The following MEI1 variants were observed in gnomAD, a reference collection of about 807,000 sequenced individuals.
MEI1 encodes the protein meiotic double-stranded break formation protein 1.
MEI1 carries 103 observed loss-of-function variants against 146.2 expected under a neutral mutation model. That is an observed-to-expected ratio of 0.70 (90% CI 0.60 to 0.83). The LOEUF is 0.83. MEI1 is among the 40% of genes least tolerant of loss of function. MEI1 has a pLI of 0.00. For missense variants in MEI1, 1,529 were observed against 1,533.0 expected (o/e 1.00, Z 0.04); for synonymous variants, 652 against 628.2 (o/e 1.04, Z -0.57).
At chr22:41,789,809 C>T (rs2076111556) in intron 26 of MEI1, among the ~76,000 whole-genome samples, 1 of 152,220 alleles carries the variant, frequency 6.6e-6, no homozygotes, top group African/African-American at 2.4e-5. Flanking sequence ...AAGCTCATGA[C>T]TCCCCCTGTA....
At chr22:41,713,923 G>A in intron 3 of MEI1, 79 bp from the exon 4 acceptor site, 1 of 1,184,698 alleles carries the variant, frequency 8.4e-7, no homozygotes, top group Non-Finnish European at 1.2e-6. Flanking sequence ...ATCCTGCACT[G>A]ATTGAGTAGA....
chr22:41,776,444 G>A (rs1051605895), intron 21 of MEI1, among the ~76,000 whole-genome samples, 177 bp downstream of exon 21: 15 of 152,252 alleles, frequency 9.9e-5, no homozygotes, highest in African/African-American at 3.4e-4. Context: ...CAGAGTGGGC[G>A]TACAACATGC....
intron 1 of MEI1, among the ~76,000 whole-genome samples, chr22:41,701,253 T>A (rs928519595): frequency 5.9e-5 from 9 of 152,098 alleles, no homozygotes; most frequent in African/African-American, 2.2e-4. Context: ...AGCTGGATTT[T>A]TATCTATTTC....
chr22:41,748,188 C>T lies in MEI1; in HGVS notation c.1762C>T (p.His588Tyr), dbSNP rs756701122. Residue 588 changes from histidine to tyrosine, a missense_variant, in exon 15 of 31, where the codon CAC becomes TAC. His to Tyr is a moderately conservative substitution (Grantham distance 83). Coordinates refer to ENST00000401548, the MANE Select transcript of MEI1 (RefSeq NM_152513.4). ...ILHNLFVIVPHMKEKFSKKLA... is the reference protein window; with the variant it reads ...ILHNLFVIVPYMKEKFSKKLA... The stretch of plus-strand genomic sequence containing the variant: ...ACATAACCTCTTTGTCATCGTTCCC[C>T]ACATGAAGGAGAAGTTTTCCAAGAA... 2.5e-6 allele frequency: 4 copies of T among 1,613,854 alleles called. 1 individual carries two copies. In the South Asian group the frequency reaches 4.4e-5, roughly 18 times the overall value.
intron 21 of MEI1, among the ~76,000 whole-genome samples, 175 bp downstream of exon 21, chr22:41,776,442 G>T (rs184134282): frequency 6.6e-6 from 1 of 152,360 alleles, no homozygotes; most frequent in African/African-American, 2.4e-5. Context: ...TGCAGAGTGG[G>T]CGTACAACAT....
In MEI1 at chr22:41,724,038, T is replaced by C; in HGVS notation, c.829T>C (p.Ser277Pro). The change falls in exon 7 of 31, where the codon TCA becomes CCA. Residue 277 changes from serine (S) to proline (P), a missense_variant. This residue lies in a region of MEI1 where 1,212 missense variants were observed against 1,178.9 expected (regional missense o/e 1.03). Transcript: ENST00000401548. ...GESAKNIEGS[S>P]GNTSLPLVLK... The stretch of plus-strand genomic sequence containing the variant: ...AAGTGCTAAGAATATCGAAGGGTCA[T>C]CAGGAAATACCTCACTGCCTTTGGT... The C allele has an allele frequency of 6.2e-7, 1 of 1,613,922 alleles. No individual in the cohort carries two copies. The highest frequency in any genetic ancestry group is 8.5e-7 in the Non-Finnish European group (1 of 1,179,850).
chr22:41,720,052 G>T (rs777336644), intron 6 of MEI1, among the ~76,000 whole-genome samples: 1 of 152,156 alleles, frequency 6.6e-6, no homozygotes, highest in African/African-American at 2.4e-5. Context: ...TTATCTTAGG[G>T]GAGCTCACAG....
At chr22:41,769,715 G>A (rs951673291) in intron 19 of MEI1, among the ~76,000 whole-genome samples, 18 of 151,052 alleles carry the variant, frequency 1.2e-4, no homozygotes, top group African/African-American at 4.1e-4. Flanking sequence ...CAGGTGATCC[G>A]CCCACCTCAG....
At chr22:41,769,182 A>G (rs927670180) in intron 19 of MEI1, among the ~76,000 whole-genome samples, 2 of 152,246 alleles carry the variant, frequency 1.3e-5, no homozygotes, top group Non-Finnish European at 2.9e-5. Flanking sequence ...AAAAAACTAT[A>G]GTAATCAGGA....
At chr22:41,710,246 C>T (rs985006600) in intron 3 of MEI1, among the ~76,000 whole-genome samples, 3 of 152,062 alleles carry the variant, frequency 2.0e-5, no homozygotes, top group African/African-American at 7.2e-5. Flanking sequence ...TCAGAAGAAA[C>T]CAAATCTGCT....
intron 3 of MEI1, chr22:41,709,378 G>C: frequency 2.8e-6 from 2 of 723,776 alleles, no homozygotes; most frequent in Non-Finnish European, 5.1e-6. Flanking sequence ...CTTGGGCTCT[G>C]GCTTTGGAGG....
chr22:41,793,643 C>T (rs911043436), intron 26 of MEI1, among the ~76,000 whole-genome samples, 186 bp from the exon 27 acceptor site: 38 of 152,202 alleles, frequency 2.5e-4, no homozygotes, highest in African/African-American at 8.4e-4. Context: ...ACAGTATAAG[C>T]ACTGTGCTCT....
chr22:41,748,936 G>A (rs1344348724), intron 15 of MEI1, among the ~76,000 whole-genome samples: 1 of 151,912 alleles, frequency 6.6e-6, no homozygotes, highest in Non-Finnish European at 1.5e-5. Context: ...CTGATTAGCT[G>A]GGACTACAGG....
At chr22:41,778,660 G>A (rs1055577594) in intron 21 of MEI1, 48 bp from the exon 22 acceptor site, 1 of 1,450,668 alleles carries the variant, frequency 6.9e-7, no homozygotes, top group East Asian at 2.4e-5. Context: ...TGACCTTCAG[G>A]TGATCTGAGC....
chr22:41,736,838 G>A (rs765118688), intron 11 of MEI1, among the ~76,000 whole-genome samples: 6 of 152,122 alleles, frequency 3.9e-5, no homozygotes, highest in Non-Finnish European at 5.9e-5. Context: ...TGACATCTTT[G>A]GGTACCACCA....
chr22:41,705,670 C>A, intron 3 of MEI1, 116 bp downstream of exon 3: 1 of 801,142 alleles, frequency 1.2e-6, no homozygotes, highest in South Asian at 1.5e-5. Flanking sequence ...AGAGGAACCC[C>A]ATTAGTTTTC....
chr22:41,759,060 T>G (rs2074282178), intron 18 of MEI1, among the ~76,000 whole-genome samples: 1 of 152,064 alleles, frequency 6.6e-6, no homozygotes, highest in Non-Finnish European at 1.5e-5. Context: ...GGAGAATTGC[T>G]TGAACCCAGG....
At chr22:41,702,281 C>T (rs2068767654) in intron 1 of MEI1, among the ~76,000 whole-genome samples, 1 of 151,648 alleles carries the variant, frequency 6.6e-6, no homozygotes, top group African/African-American at 2.4e-5. Flanking sequence ...GCTGGGATTA[C>T]AGGCGCCTGC....
intron 11 of MEI1, among the ~76,000 whole-genome samples, chr22:41,740,050 C>T (rs1220709803): frequency 2.6e-5 from 4 of 151,612 alleles, no homozygotes; most frequent in South Asian, 2.1e-4. Context: ...GGTGGAGTCT[C>T]GCTCTGTTGC....
Sources: allele counts gnomAD v4.1 joint callset (sites outside exome capture counted in the v4.1 genomes callset), GRCh38; gene constraint gnomAD v4.1.1; regional missense constraint gnomAD v4.1.1; transcripts MANE v1.5; gene names NCBI Gene and HGNC (gene_info 2026-07-23, HGNC 2026-07-21).